MCF2: variants seen among roughly 807,000 people sequenced by gnomAD.
MCF2 encodes the protein MCF.2 cell line derived transforming sequence, also known as proto-oncogene DBL.
MCF2 carries 44 observed loss-of-function variants against 82.5 expected under a neutral mutation model. The ratio of observed to expected loss-of-function variants is 0.53; its 90% CI spans 0.42 to 0.69. MCF2 has a LOEUF of 0.69. MCF2 is among the 30% of genes least tolerant of loss of function. The probability of loss-of-function intolerance (pLI) is 0.00; values close to 1 mark genes in which losing one functional copy is unlikely to be tolerated. For synonymous variants in MCF2, 217 were observed against 224.9 expected, an observed-to-expected ratio of 0.96 and a Z score of 0.32; for missense variants, 623 against 663.1, an observed-to-expected ratio of 0.94 and a Z score of 0.66.
chrX:139,632,212 T>G (rs1235725308), intron 2 of MCF2, 123 bp downstream of exon 5: 1 of 459,673 alleles, frequency 2.2e-6, no homozygotes, highest in Non-Finnish European at 3.2e-6. Context: ...AAATGTATAC[T>G]TTTAAAAGAC....
intron 1 of MCF2, among the ~76,000 whole-genome samples, chrX:139,659,733 G>A (rs1026931565): frequency 2.7e-5 from 3 of 111,665 alleles, no homozygotes; most frequent in African/African-American, 9.8e-5. Context: ...ATAAATAAGA[G>A]GTAAAAACAG....
chrX:139,622,514 A>C (rs1418167037), intron 6 of MCF2, among the ~76,000 whole-genome samples: 1 of 111,875 alleles, frequency 8.9e-6, no homozygotes, highest in Non-Finnish European at 1.9e-5. Context: ...GATTAAGAAA[A>C]TGTGGCACAT....
chrX:139,671,213 G>A (rs143353682), intron 1 of MCF2, among the ~76,000 whole-genome samples: 9,434 of 111,540 alleles, frequency 0.085, 991 homozygotes, highest in African/African-American at 0.29. Context: ...CTGGATATTA[G>A]CCCTTTGTCA....
At chrX:139,604,955 C>T (rs1161553302) in exon 14 of MCF2, 3 of 1,186,658 alleles carry the variant, frequency 2.5e-6, no homozygotes, top group Non-Finnish European at 3.4e-6. Flanking sequence ...GATCAAACAT[C>T]TCTGGATTAT....
intron 15 of MCF2, among the ~76,000 whole-genome samples, chrX:139,603,758 C>T (rs1569351618): frequency 9.0e-6 from 1 of 110,899 alleles, no homozygotes; most frequent in Non-Finnish European, 1.9e-5. Flanking sequence ...TGGTGTGAAC[C>T]CGGGACGTGG....
intron 2 of MCF2, among the ~76,000 whole-genome samples, chrX:139,650,035 T>A (rs1933940201): frequency 8.9e-6 from 1 of 112,224 alleles, no homozygotes; most frequent in Non-Finnish European, 1.9e-5. Flanking sequence ...TTAAGCTTTA[T>A]CATAGGTATA....
chrX:139,642,868 A>C (rs775519497), exon 1 of MCF2: 687 of 891,047 alleles, frequency 7.7e-4, no homozygotes, highest in South Asian at 1.7e-3. Flanking sequence ...GGAAAAAAAA[A>C]CCAGCTCTCT....
At chrX:139,592,729 C>T (rs376745780) in intron 19 of MCF2, among the ~76,000 whole-genome samples, 3 of 111,503 alleles carry the variant, frequency 2.7e-5, no homozygotes, top group East Asian at 2.8e-4. Context: ...CCCTTTGTGA[C>T]GAAACCAAGA....
At chrX:139,675,324 G>C (rs981240143) in intron 1 of MCF2, among the ~76,000 whole-genome samples, 27 of 112,465 alleles carry the variant, frequency 2.4e-4, no homozygotes, top group African/African-American at 8.4e-4. Context: ...GTCATTCTCT[G>C]TCCAGCTTTG....
intron 1 of MCF2, among the ~76,000 whole-genome samples, chrX:139,667,860 A>G (rs1263463231): frequency 1.8e-5 from 2 of 112,066 alleles, no homozygotes; most frequent in Admixed American, 9.4e-5. Context: ...CAGCTCTAGC[A>G]GTGGTAGCAT....
At chrX:139,627,507 A>T (rs1356503617) in intron 4 of MCF2, among the ~76,000 whole-genome samples, 2 of 111,678 alleles carry the variant, frequency 1.8e-5, no homozygotes, top group Non-Finnish European at 3.8e-5. Context: ...CCTTTCTCAG[A>T]CATCTAAGAG....
rs112477507 is a variant in MCF2, at chrX:139,600,734, A to C, written c.1836+1672T>G. On this transcript the variant is annotated intron_variant, in intron 16 of 24. Coordinates refer to ENST00000370576, the Ensembl canonical transcript of MCF2. ...CAACAATGAGGATCATGGTCAATAA[A>C]CCCACATATGCCCTGGAAACTTCCA... 4.2e-3 allele frequency among the ~76,000 whole-genome samples: 468 copies of C among 111,597 alleles called. 2 individuals carry two copies. The highest frequency in any genetic ancestry group is 0.014 in the African/African-American group (430 of 30,846).
chrX:139,656,264 G>A (rs1278511177), intron 1 of MCF2, among the ~76,000 whole-genome samples: 2 of 111,044 alleles, frequency 1.8e-5, no homozygotes, highest in Non-Finnish European at 3.8e-5. Flanking sequence ...GGGTTTCACC[G>A]TGTTAGCCAG....
At chrX:139,612,842 C>A (rs16993603) in intron 10 of MCF2, among the ~76,000 whole-genome samples, 2,247 of 111,889 alleles carry the variant, frequency 0.02, 57 homozygotes, top group African/African-American at 0.067. Flanking sequence ...CATCCTCATA[C>A]ATACATTAGG....
chrX:139,700,851 G>A (rs7878287), intron 1 of MCF2, among the ~76,000 whole-genome samples: 7,254 of 111,889 alleles, frequency 0.065, 264 homozygotes, highest in Admixed American at 0.16. Context: ...AGCTTAGGAT[G>A]AGGTGGGAGA....
chrX:139,691,214 C>T (rs138441605), intron 1 of MCF2, among the ~76,000 whole-genome samples: 6 of 111,433 alleles, frequency 5.4e-5, no homozygotes, highest in African/African-American at 2.0e-4. Context: ...TGAAAAGATG[C>T]GCTTTTCTGG....
chrX:139,663,576 GTTT>G (rs57739559), intron 1 of MCF2, among the ~76,000 whole-genome samples: 3 of 86,405 alleles, frequency 3.5e-5, no homozygotes, highest in Non-Finnish European at 7.0e-5. Flanking sequence ...AGTTTGCTTT[GTTT>G]TTTTTTTTTT....
At chrX:139,620,321 G>A in intron 6 of MCF2, among the ~76,000 whole-genome samples, 1 of 111,048 alleles carries the variant, frequency 9.0e-6, no homozygotes, top group South Asian at 3.7e-4. Flanking sequence ...AAATGTTGGA[G>A]TATGTCACAA....
At chrX:139,704,604 T>A (rs1025161198) in intron 1 of MCF2, among the ~76,000 whole-genome samples, 1 of 109,338 alleles carries the variant, frequency 9.1e-6, no homozygotes, top group Non-Finnish European at 1.9e-5. Context: ...AAATGAAAAA[T>A]TAAACAAAAA....
Sources: gnomAD v4.1 joint callset for allele counts (sites outside exome capture counted in the v4.1 genomes callset) on GRCh38, gnomAD v4.1.1 for gene constraint, MANE v1.5 for transcripts, NCBI Gene and HGNC (gene_info 2026-07-23, HGNC 2026-07-21) for gene names.